The following PTPRD variants were observed in gnomAD, a reference collection of about 807,000 sequenced individuals.
The protein encoded by PTPRD is receptor-type tyrosine-protein phosphatase delta.
PTPRD carries 34 observed loss-of-function variants against 214.5 expected under a neutral mutation model. The observed-to-expected ratio is 0.16, with a 90% CI of 0.12 to 0.21. The LOEUF is 0.21. PTPRD is among the 10% of genes least tolerant of loss of function. The pLI is 1.00. For synonymous variants in PTPRD, 1,128 were observed against 845.7 expected (o/e 1.33, Z -5.79); for missense variants, 2,545 against 2,398.7 (o/e 1.06, Z -1.27).
chr9:8,882,945 A>G (rs2098458821), intron 11 of PTPRD, among the ~76,000 whole-genome samples: 1 of 152,196 alleles, frequency 6.6e-6, no homozygotes, highest in Non-Finnish European at 1.5e-5. Context: ...AATAGGCGCT[A>G]TTAATGGAAG....
intron 11 of PTPRD, among the ~76,000 whole-genome samples, chr9:8,946,688 C>T (rs2099066661): frequency 6.6e-6 from 1 of 152,048 alleles, no homozygotes; most frequent in African/African-American, 2.4e-5. Context: ...TTTCTTTTAT[C>T]TTCCTTTAGA....
At chr9:10,507,462 T>C (rs1341248895) in intron 2 of PTPRD, among the ~76,000 whole-genome samples, 3 of 152,092 alleles carry the variant, frequency 2.0e-5, no homozygotes, top group Non-Finnish European at 2.9e-5. Flanking sequence ...AAAGATCATA[T>C]GGAACCAAAA....
chr9:9,046,761 G>A (rs796347238), intron 10 of PTPRD, among the ~76,000 whole-genome samples: 4 of 152,224 alleles, frequency 2.6e-5, no homozygotes, highest in African/African-American at 9.6e-5. Flanking sequence ...TAAAGCATGA[G>A]CGTTGATATG....
intron 2 of PTPRD, among the ~76,000 whole-genome samples, chr9:10,485,054 T>C (rs1289238077): frequency 1.3e-5 from 2 of 151,966 alleles, no homozygotes; most frequent in African/African-American, 2.4e-5. Flanking sequence ...TGAAAGGAGA[T>C]AGAGGTCTAG....
At chr9:9,841,393 G>C (rs10978025) in intron 5 of PTPRD, among the ~76,000 whole-genome samples, 24,722 of 151,896 alleles carry the variant, frequency 0.16, 2,098 homozygotes, top group Non-Finnish European at 0.19. Context: ...TTCTGTTCCT[G>C]ATGTTAAAAT....
chr9:9,488,727 C>G (rs1215994689), intron 8 of PTPRD, among the ~76,000 whole-genome samples: 1 of 152,162 alleles, frequency 6.6e-6, no homozygotes, highest in Non-Finnish European at 1.5e-5. Flanking sequence ...AGGCTTGCAA[C>G]TTCCAGGTAA....
At chr9:8,373,199 A>T (rs115546538) in intron 39 of PTPRD, among the ~76,000 whole-genome samples, 2 of 152,038 alleles carry the variant, frequency 1.3e-5, no homozygotes, top group Non-Finnish European at 2.9e-5. Context: ...GAATGACTTT[A>T]ATCTGCTGCT....
intron 5 of PTPRD, among the ~76,000 whole-genome samples, chr9:9,913,435 G>A (rs1314825757): frequency 6.6e-6 from 1 of 152,114 alleles, no homozygotes; most frequent in Non-Finnish European, 1.5e-5. Flanking sequence ...TCATCAAGAT[G>A]GCTGACTACA....
chr9:9,580,561 T>TTTTTTTTTTTTTTG (rs2090459600), intron 7 of PTPRD, among the ~76,000 whole-genome samples: 1 of 147,236 alleles, frequency 6.8e-6, no homozygotes. Context: ...TTTTTTTTTT[T>TTTTTTTTTTTTTTG]TTTTTGAGAC....
intron 9 of PTPRD, among the ~76,000 whole-genome samples, chr9:9,189,260 G>T (rs1186320966): frequency 6.6e-6 from 1 of 152,044 alleles, no homozygotes; most frequent in Non-Finnish European, 1.5e-5. Context: ...AGTTGAAAGA[G>T]ATCTTGAACA....
At chr9:8,379,582 T>C (rs534100658) in intron 37 of PTPRD, among the ~76,000 whole-genome samples, 1 of 152,328 alleles carries the variant, frequency 6.6e-6, no homozygotes, top group Non-Finnish European at 1.5e-5. Flanking sequence ...ATAAATGAAC[T>C]ATCTCCATTT....
intron 4 of PTPRD, among the ~76,000 whole-genome samples, chr9:10,019,477 C>T (rs372738924): frequency 7.2e-5 from 11 of 152,050 alleles, no homozygotes; most frequent in Admixed American, 3.9e-4. Flanking sequence ...CACATGCACA[C>T]GTATGTTTAT....
intron 11 of PTPRD, among the ~76,000 whole-genome samples, chr9:8,911,415 T>TGTTGTG (rs1555510111): frequency 0.014 from 1,750 of 127,636 alleles, 35 homozygotes; most frequent in African/African-American, 0.045. Context: ...TGTGTGTGTG[T>TGTTGTG]TGTGTGTGTG....
At chr9:9,754,317 G>A (rs1007039782) in intron 6 of PTPRD, among the ~76,000 whole-genome samples, 2 of 152,028 alleles carry the variant, frequency 1.3e-5, no homozygotes, top group Non-Finnish European at 2.9e-5. Flanking sequence ...CAGGAAACTG[G>A]ATGACTTGTA....
At chr9:9,761,780 C>A (rs913854686) in intron 6 of PTPRD, among the ~76,000 whole-genome samples, 1 of 152,104 alleles carries the variant, frequency 6.6e-6, no homozygotes. Flanking sequence ...GTCTCCCCTT[C>A]CCCCCACTCT....
chr9:9,211,684 T>C (rs1203376094), intron 9 of PTPRD, among the ~76,000 whole-genome samples: 2 of 152,218 alleles, frequency 1.3e-5, no homozygotes, highest in Non-Finnish European at 2.9e-5. Context: ...ACATGTAACA[T>C]GTTTAAGAGA....
At chr9:8,842,847 TC>T (rs2097585884) in intron 11 of PTPRD, among the ~76,000 whole-genome samples, 1 of 152,092 alleles carries the variant, frequency 6.6e-6, no homozygotes, top group African/African-American at 2.4e-5. Context: ...GTGTTTCACA[TC>T]CCCAGGATAC....
intron 5 of PTPRD, among the ~76,000 whole-genome samples, chr9:9,789,606 GCTAACACGATGAAACCCCGTCCCTA>G: frequency 6.6e-6 from 1 of 151,596 alleles, no homozygotes; most frequent in Non-Finnish European, 1.5e-5. Flanking sequence ...GACTATCCTG[GCTAACACGATGAAACCCCGTCCCTA>G]CTAAAAATAC....
intron 9 of PTPRD, among the ~76,000 whole-genome samples, chr9:9,263,005 G>A (rs964446935): frequency 6.6e-6 from 1 of 151,470 alleles, no homozygotes; most frequent in African/African-American, 2.4e-5. Flanking sequence ...ATAATAATTT[G>A]TATGTAATTT....
Sources: allele counts gnomAD v4.1 joint callset (sites outside exome capture counted in the v4.1 genomes callset), GRCh38; gene constraint gnomAD v4.1.1; transcripts MANE v1.5; gene names NCBI Gene and HGNC (gene_info 2026-07-23, HGNC 2026-07-21).